The following ADGRD1 variants were observed in gnomAD, a reference collection of about 807,000 sequenced individuals.
ADGRD1 encodes the protein adhesion G protein-coupled receptor D1.
In ADGRD1, 77 loss-of-function variants were observed where a neutral mutation model predicts 113.4. The observed-to-expected ratio is 0.68, with a 90% CI of 0.57 to 0.82. ADGRD1 has a LOEUF of 0.82. Among genes scored for constraint, ADGRD1 ranks in the 40% least tolerant of loss-of-function variants. ADGRD1 has a pLI of 0.00. For missense variants in ADGRD1, 1,036 were observed against 1,139.1 expected (o/e 0.91, Z 1.30); for synonymous variants, 474 against 475.0 (o/e 1.00, Z 0.03).
chr12:131,099,343 G>A lies in ADGRD1; in HGVS notation c.1672-5488G>A, dbSNP rs149719929. Among the ~76,000 whole-genome samples, 1,020 of 152,240 alleles carry A rather than the reference G, an allele frequency of 6.7e-3. 11 individuals are homozygous for A. Among genetic ancestry groups the A allele is most frequent in the Admixed American group, 7.7e-3 (118 of 15,300 alleles). ...AGTTTCCTAAGGCTGTGTGCAGGTCGTGGTGGAGTCAACATTTAACACAGG... is the reference window on the plus strand; with the variant it reads ...AGTTTCCTAAGGCTGTGTGCAGGTCATGGTGGAGTCAACATTTAACACAGG... On this transcript the variant is annotated intron_variant, in intron 15 of 24. Coordinates refer to ENST00000261654, the MANE Select transcript of ADGRD1 (RefSeq NM_198827.5).
At chr12:130,998,738 G>A (rs1875943467) in intron 8 of ADGRD1, among the ~76,000 whole-genome samples, 1 of 152,124 alleles carries the variant, frequency 6.6e-6, no homozygotes, top group African/African-American at 2.4e-5. Flanking sequence ...GTGCTGGGAT[G>A]ACAGGTGTGA....
chr12:131,089,083 G>A (rs941943816), intron 15 of ADGRD1, among the ~76,000 whole-genome samples: 10 of 152,176 alleles, frequency 6.6e-5, no homozygotes, highest in Non-Finnish European at 1.2e-4. Context: ...TTCTGTTCGT[G>A]TCATGGGACC....
chr12:131,102,346 G>A (rs1253942400), intron 15 of ADGRD1, among the ~76,000 whole-genome samples: 1 of 152,336 alleles, frequency 6.6e-6, no homozygotes, highest in African/African-American at 2.4e-5. Flanking sequence ...GGAATGCACT[G>A]GCAGCACCCG....
At position 131,108,804 on chromosome 12, in the gene ADGRD1, C is replaced by T. The variant is rs969085108; in HGVS notation, c.1968C>T (p.His656=). 1 of 1,613,952 alleles carries T rather than the reference C, an allele frequency of 6.2e-7. No individual in the cohort carries two copies. The highest frequency in any genetic ancestry group is 1.3e-5 in the African/African-American group (1 of 74,946). Reference sequence around the variant, plus strand: ...CATGGATGCTGGTGGAGGGGCTGCACCTCTACAGCATGGTGATCAAGGTCT... The same window carrying T: ...CATGGATGCTGGTGGAGGGGCTGCATCTCTACAGCATGGTGATCAAGGTCT... ...AFAWMLVEGL[H]LYSMVIKVFG... Residue 656 remains histidine, a synonymous_variant, in exon 18 of 25, where the codon CAC becomes CAT. Coordinates refer to ENST00000261654, the MANE Select transcript of ADGRD1 (RefSeq NM_198827.5).
intron 13 of ADGRD1, among the ~76,000 whole-genome samples, chr12:131,052,984 T>C (rs1395483390): frequency 6.6e-6 from 1 of 152,208 alleles, no homozygotes; most frequent in Non-Finnish European, 1.5e-5. Context: ...CCCCAGTTTA[T>C]AGCACAGAAT....
At chr12:131,094,587 C>CA (rs1431458137) in intron 15 of ADGRD1, among the ~76,000 whole-genome samples, 9 of 152,198 alleles carry the variant, frequency 5.9e-5, no homozygotes, top group South Asian at 4.2e-4. Context: ...GCAGCGCCCC[C>CA]CCGACTCCCC....
At chr12:131,031,094 C>A (rs1880676736) in intron 13 of ADGRD1, among the ~76,000 whole-genome samples, 1 of 152,224 alleles carries the variant, frequency 6.6e-6, no homozygotes, top group Non-Finnish European at 1.5e-5. Flanking sequence ...ACTCACCACA[C>A]TGGGCCCCGG....
chr12:131,004,882 A>G (rs1206166445), intron 11 of ADGRD1, among the ~76,000 whole-genome samples: 1 of 152,170 alleles, frequency 6.6e-6, no homozygotes, highest in Non-Finnish European at 1.5e-5. Flanking sequence ...ATTTTTTGCT[A>G]CAATGACCGT....
At chr12:130,958,458 C>A (rs926332137) in intron 2 of ADGRD1, among the ~76,000 whole-genome samples, 3 of 152,148 alleles carry the variant, frequency 2.0e-5, no homozygotes, top group African/African-American at 7.2e-5. Context: ...CCTCGGCCTC[C>A]CAAAGTGCTG....
intron 13 of ADGRD1, among the ~76,000 whole-genome samples, chr12:131,053,098 C>T (rs1461356013): frequency 6.6e-6 from 1 of 152,228 alleles, no homozygotes; most frequent in Non-Finnish European, 1.5e-5. Context: ...CTTTCTCGGT[C>T]AGATCGGGGC....
At chr12:130,994,044 G>A (rs1021767883) in intron 8 of ADGRD1, 2 of 239,426 alleles carry the variant, frequency 8.4e-6, no homozygotes, top group Admixed American at 4.4e-5. Flanking sequence ...CCACACCTGG[G>A]CCAATCACTA....
At chr12:131,117,577 T>C (rs1318577541) in intron 18 of ADGRD1, among the ~76,000 whole-genome samples, 1 of 151,990 alleles carries the variant, frequency 6.6e-6, no homozygotes, top group Non-Finnish European at 1.5e-5. Context: ...CTTGATTGAG[T>C]CTCATTGGGC....
intron 11 of ADGRD1, 22 bp downstream of exon 11, chr12:131,004,318 T>G: frequency 6.6e-7 from 1 of 1,515,036 alleles, no homozygotes; most frequent in Non-Finnish European, 9.2e-7. Flanking sequence ...TGCGCTGGAC[T>G]CCCTTCCGGG....
At chr12:130,987,023 A>G (rs2136626380) in intron 5 of ADGRD1, 72 bp from the exon 6 acceptor site, 1 of 1,375,132 alleles carries the variant, frequency 7.3e-7, no homozygotes, top group East Asian at 2.3e-5. Flanking sequence ...ATGTGCCTAC[A>G]AACAGGAAAA....
intron 13 of ADGRD1, among the ~76,000 whole-genome samples, chr12:131,044,560 C>T (rs1882479897): frequency 6.6e-6 from 1 of 152,196 alleles, no homozygotes; most frequent in Non-Finnish European, 1.5e-5. Context: ...AATTACATCT[C>T]CATTAAGAAC....
chr12:130,966,933 C>G lies in ADGRD1; in HGVS notation c.187+387C>G, dbSNP rs549059071. ...CTGTGCCAGGCCACGAAGCATTTTA[C>G]TAGAATTTTTATAGAGAGAGCTATT... On this transcript the variant is annotated intron_variant, in intron 3 of 24. Coordinates refer to ENST00000261654, the MANE Select transcript of ADGRD1 (RefSeq NM_198827.5). The surrounding 1 kb of genome is among the most constrained non-coding windows in gnomAD (Gnocchi z 4.6). 9 of 438,998 alleles carry G rather than the reference C, an allele frequency of 2.1e-5. No homozygotes were observed. In the East Asian group the frequency reaches 6.4e-4, roughly 31 times the overall value. 27.2% of individuals were successfully genotyped at this position (438,998 alleles called of 1,614,324 possible).
rs1218636243 is a variant in ADGRD1 at position 131,096,280 on chromosome 12, C to T, written c.1672-8551C>T. ...TATTTGTGTTAGAGACAAGGTTGCA[C>T]GCTGTGGTCCAGGCTGGAGTCAGTG... On this transcript the variant is annotated intron_variant, in intron 15 of 24. Transcript: ENST00000261654. This position sits in a 1 kb window ranked among gnomAD's most constrained non-coding sequence, Gnocchi z 5.2. Among the ~76,000 whole-genome samples the T allele has an allele frequency of 2.6e-5, 4 of 152,198 alleles. No homozygotes were observed. Among genetic ancestry groups the T allele is most frequent in the South Asian group, 4.1e-4 (2 of 4,834 alleles).
At position 131,139,315 on chromosome 12, in the gene ADGRD1, A is replaced by G. The variant is rs1216220221; in HGVS notation, c.*52A>G. ...CTGCGCTCAGAACACACCCCCCCAA[A>G]CAGAATGAAATGCCCCACCTTTGCC... On this transcript the variant is annotated 3_prime_UTR_variant, in exon 25 of 25. Transcript: ENST00000261654. 1.6e-6 allele frequency: 2 copies of G among 1,227,920 alleles called. No individual in the cohort carries two copies. The highest frequency in any genetic ancestry group is 3.7e-5 in the Admixed American group (2 of 53,708). 76.1% of individuals were successfully genotyped at this position (1,227,920 alleles called of 1,614,324 possible).
intron 15 of ADGRD1, among the ~76,000 whole-genome samples, chr12:131,090,904 C>T (rs1312940589): frequency 1.3e-5 from 2 of 152,198 alleles, no homozygotes; most frequent in South Asian, 2.1e-4. Flanking sequence ...ATTTATTGCT[C>T]CTCCAGCCAG....
Sources: gnomAD v4.1 joint callset for allele counts (sites outside exome capture counted in the v4.1 genomes callset) on GRCh38, gnomAD v4.1.1 for gene constraint, Gnocchi (gnomAD v3.1) non-coding constraint, MANE v1.5 for transcripts, NCBI Gene and HGNC (gene_info 2026-07-23, HGNC 2026-07-21) for gene names.